The following FAAH2 variants were observed in gnomAD, a reference collection of about 807,000 sequenced individuals.
FAAH2 encodes the protein fatty-acid amide hydrolase 2.
Under a neutral mutation model 36.9 loss-of-function variants are expected in FAAH2, and 60 were observed. That is an observed-to-expected ratio of 1.63 (90% CI 1.32 to 2.02). The LOEUF is 2.02. Ranked by LOEUF, FAAH2 falls within the 30% of genes most tolerant of loss-of-function variation. The pLI is 0.00. For missense variants in FAAH2, 689 were observed against 397.5 expected (o/e 1.73, Z -6.23); for synonymous variants, 214 against 143.8 (o/e 1.49, Z -3.49).
chrX:57,210,689 A>G, the FAAH2 span, among the ~76,000 whole-genome samples: 119 of 112,776 alleles, frequency 1.1e-3, no homozygotes, highest in South Asian at 9.1e-3. Flanking sequence ...AAAATGAAAG[A>G]CAAATAGGAA....
intron 5 of FAAH2, among the ~76,000 whole-genome samples, chrX:57,352,562 A>G (rs2054051351): frequency 9.0e-6 from 1 of 110,775 alleles, no homozygotes; most frequent in Non-Finnish European, 1.9e-5. Context: ...ACAAAGCGAG[A>G]ATACCCATGT....
the FAAH2 span, among the ~76,000 whole-genome samples, chrX:57,166,782 G>C: frequency 1.8e-5 from 2 of 111,570 alleles, no homozygotes; most frequent in African/African-American, 6.5e-5. Context: ...CACTATCTTT[G>C]GTTTGTTGCA....
chrX:57,217,873 G>A, the FAAH2 span, among the ~76,000 whole-genome samples: 3 of 111,997 alleles, frequency 2.7e-5, no homozygotes, highest in Admixed American at 9.5e-5. Flanking sequence ...GCTTTTGGCA[G>A]TATGGTCATT....
the FAAH2 span, among the ~76,000 whole-genome samples, chrX:57,210,355 A>T: frequency 8.9e-6 from 1 of 112,120 alleles, no homozygotes. Context: ...ACTCATGACC[A>T]TACGCACGAC....
chrX:57,391,400 G>A (rs1247401272), intron 7 of FAAH2, among the ~76,000 whole-genome samples: 1 of 110,673 alleles, frequency 9.0e-6, no homozygotes, highest in Non-Finnish European at 1.9e-5. Flanking sequence ...CTCAATGTCA[G>A]AAGTTTTTTC....
the FAAH2 span, among the ~76,000 whole-genome samples, chrX:57,223,139 C>T: frequency 8.9e-6 from 1 of 112,316 alleles, no homozygotes; most frequent in South Asian, 3.7e-4. Flanking sequence ...ATAAATGGCT[C>T]TCTCATCAGC....
chrX:57,143,419 C>T, the FAAH2 span, among the ~76,000 whole-genome samples: 8 of 110,386 alleles, frequency 7.2e-5, no homozygotes, highest in African/African-American at 2.6e-4. Context: ...TCCCCCCTTA[C>T]GACTTTTTGT....
the FAAH2 span, among the ~76,000 whole-genome samples, chrX:57,260,991 T>A: frequency 1.8e-5 from 2 of 111,918 alleles, no homozygotes; most frequent in South Asian, 3.7e-4. Context: ...TTAGTAGCTA[T>A]GTACAAAATT....
At chrX:57,182,289 A>G in the FAAH2 span, among the ~76,000 whole-genome samples, 3 of 112,200 alleles carry the variant, frequency 2.7e-5, no homozygotes, top group Non-Finnish European at 5.6e-5. Context: ...GAGTAAACAG[A>G]CAATTTATAG....
the FAAH2 span, among the ~76,000 whole-genome samples, chrX:57,257,530 C>A: frequency 9.2e-6 from 1 of 109,244 alleles, no homozygotes; most frequent in African/African-American, 3.3e-5. Context: ...ATATCACACA[C>A]CATTGCCTGT....
chrX:57,179,618 G>GCAAGTT, the FAAH2 span, among the ~76,000 whole-genome samples: 1 of 111,663 alleles, frequency 9.0e-6, no homozygotes, highest in Admixed American at 9.5e-5. Flanking sequence ...GATTCATAAA[G>GCAAGTT]CAAGTTCTTA....
chrX:57,394,128 G>A (rs760651578), intron 7 of FAAH2: 1 of 708,499 alleles, frequency 1.4e-6, no homozygotes, highest in African/African-American at 2.1e-5. Flanking sequence ...GTGAGGTGAA[G>A]ATTAAACTCT....
the FAAH2 span, among the ~76,000 whole-genome samples, chrX:57,216,424 C>T: frequency 1.0e-5 from 1 of 99,711 alleles, no homozygotes; most frequent in Non-Finnish European, 2.0e-5. Context: ...AGTCTCCAAT[C>T]TCATCCAGGT....
At chrX:57,268,346 A>G in the FAAH2 span, among the ~76,000 whole-genome samples, 1 of 111,643 alleles carries the variant, frequency 9.0e-6, no homozygotes, top group East Asian at 2.8e-4. Context: ...AAAAAATGAG[A>G]TTATGTAAAG....
chrX:57,437,448 T>C (rs1299558307), intron 8 of FAAH2, among the ~76,000 whole-genome samples: 1 of 110,151 alleles, frequency 9.1e-6, no homozygotes, highest in Non-Finnish European at 1.9e-5. Context: ...TTTTTCCTGT[T>C]ATCTGACTAT....
the FAAH2 span, among the ~76,000 whole-genome samples, chrX:57,185,343 C>A: frequency 9.0e-6 from 1 of 111,150 alleles, no homozygotes; most frequent in African/African-American, 3.3e-5. Context: ...TGATGTTTGT[C>A]TTTCTGTGCC....
chrX:57,227,584 C>T, the FAAH2 span, among the ~76,000 whole-genome samples: 94 of 111,371 alleles, frequency 8.4e-4, no homozygotes, highest in African/African-American at 3.0e-3. Context: ...TGGGGGTCCT[C>T]AGTTTTGGTG....
chrX:57,210,103 C>G, the FAAH2 span, among the ~76,000 whole-genome samples: 2 of 110,831 alleles, frequency 1.8e-5, no homozygotes, highest in South Asian at 7.9e-4. Flanking sequence ...CAGTGCTTCT[C>G]AGTGGTGTAG....
At chrX:57,294,850 C>T (rs1156427408) in intron 2 of FAAH2, among the ~76,000 whole-genome samples, 7 of 111,200 alleles carry the variant, frequency 6.3e-5, no homozygotes, top group African/African-American at 2.3e-4. Flanking sequence ...ACTTTTGTAT[C>T]ATGAAGGGCC....
Sources: allele counts gnomAD v4.1 joint callset (sites outside exome capture counted in the v4.1 genomes callset), GRCh38; gene constraint gnomAD v4.1.1; transcripts MANE v1.5; gene names NCBI Gene and HGNC (gene_info 2026-07-23, HGNC 2026-07-21).